The following KALRN variants were observed in gnomAD, a reference collection of about 807,000 sequenced individuals.
KALRN encodes kalirin.
A neutral mutation model predicts 353.7 loss-of-function variants in KALRN; 70 were observed. The observed-to-expected ratio is 0.20, with a 90% CI of 0.16 to 0.24. The LOEUF (loss-of-function observed/expected upper bound fraction) is 0.24, where lower values mean the gene tolerates loss of function less well. Ranked by LOEUF, KALRN falls within the 10% of genes least tolerant of loss-of-function variation. The pLI, the probability that KALRN is intolerant of heterozygous loss-of-function variation, is 1.00. For missense variants in KALRN, 2,791 were observed against 3,756.7 expected (o/e 0.74, Z 6.72); for synonymous variants, 1,391 against 1,434.8 (o/e 0.97, Z 0.69).
intron 51 of KALRN, among the ~76,000 whole-genome samples, chr3:124,684,326 C>T (rs1034697436): frequency 2.0e-5 from 3 of 152,122 alleles, no homozygotes; most frequent in Non-Finnish European, 2.9e-5. Flanking sequence ...TCCTGGCAGA[C>T]GAGAAGACCT....
chr3:124,242,611 C>T (rs1293934783), intron 3 of KALRN, among the ~76,000 whole-genome samples: 1 of 152,178 alleles, frequency 6.6e-6, no homozygotes, highest in East Asian at 1.9e-4. Flanking sequence ...ACACAGAGAT[C>T]TAACAATGGT....
Position 124,513,736 on chromosome 3 carries a change from A to G in KALRN, c.4935+17323A>G, listed in dbSNP as rs541607440. Among the ~76,000 whole-genome samples, 3 of 152,318 alleles carry G rather than the reference A, an allele frequency of 2.0e-5. No individual in the cohort carries two copies. The South Asian group carries it at 6.2e-4, about 32-fold the overall frequency. On this transcript the variant is annotated intron_variant, in intron 33 of 59. Coordinates refer to ENST00000682506, the MANE Select transcript of KALRN (RefSeq NM_001388419.1). ...AGGGAAAAATGGCAAGAGGAAAAACATAGATTGAATGTTGCTGGCTGTGGC... is the reference window on the plus strand; with the variant it reads ...AGGGAAAAATGGCAAGAGGAAAAACGTAGATTGAATGTTGCTGGCTGTGGC...
Position 124,068,333 on chromosome 3 carries a change from G to A in KALRN, c.73+34520G>A, listed in dbSNP as rs1265777697. Among the ~76,000 whole-genome samples the A allele has an allele frequency of 2.6e-5, 4 of 152,270 alleles. No homozygotes were observed. In the East Asian group the frequency reaches 7.7e-4, roughly 29 times the overall value. ...TGCCTTTCCACGGGTAGCATCCTCT[G>A]TGACATCCTGTGAGGTTACAGCATG... On this transcript the variant is annotated intron_variant, in intron 1 of 59. Transcript: ENST00000682506.
intron 1 of KALRN, among the ~76,000 whole-genome samples, chr3:124,055,719 C>G (rs950131048): frequency 6.6e-6 from 1 of 152,164 alleles, no homozygotes; most frequent in African/African-American, 2.4e-5. Flanking sequence ...CCTGGAGGCC[C>G]TAGAGCCATA....
chr3:124,288,838 AAGTT>A (rs1229867501), intron 5 of KALRN, among the ~76,000 whole-genome samples: 2 of 152,126 alleles, frequency 1.3e-5, no homozygotes, highest in Non-Finnish European at 2.9e-5. Flanking sequence ...AATAGAGAAA[AAGTT>A]AGCTCTGAGG....
chr3:124,666,359 A>G (rs2085620086), intron 45 of KALRN, 90 bp from the exon 46 acceptor site: 1 of 1,173,540 alleles, frequency 8.5e-7, no homozygotes, highest in Non-Finnish European at 1.2e-6. Context: ...TGTTGCCCGT[A>G]TCCCCAGATG....
At position 124,192,763 on chromosome 3, in the gene KALRN, C is replaced by T. The variant is rs183431442; in HGVS notation, c.74-35227C>T. ...GCTGTAGAAGGACACAGCAAGAGGC[C>T]GGCCATCTGCAAACCAGAGGCCTCA... On this transcript the variant is annotated intron_variant, in intron 1 of 59. Transcript: ENST00000682506. Among the ~76,000 whole-genome samples, 340 of 152,302 alleles carry T rather than the reference C, an allele frequency of 2.2e-3. 2 individuals are homozygous for T. Among genetic ancestry groups the T allele is most frequent in the East Asian group, 7.3e-3 (38 of 5,178 alleles).
At chr3:124,241,876 G>A (rs2080484571) in intron 3 of KALRN, among the ~76,000 whole-genome samples, 2 of 152,352 alleles carry the variant, frequency 1.3e-5, no homozygotes, top group South Asian at 2.1e-4. Flanking sequence ...AGCACGAAGG[G>A]GTAGGAATGG....
chr3:124,097,903 G>T (rs904215775), intron 1 of KALRN, among the ~76,000 whole-genome samples: 1 of 152,196 alleles, frequency 6.6e-6, no homozygotes, highest in African/African-American at 2.4e-5. Context: ...CAATTCTGCT[G>T]ATTGTATTCT....
chr3:124,507,523 A>G (rs544520885), intron 33 of KALRN, among the ~76,000 whole-genome samples: 92 of 152,220 alleles, frequency 6.0e-4, no homozygotes, highest in Non-Finnish European at 9.8e-4. Context: ...AATTATTTCA[A>G]GTATATTGGT....
rs149749210 is a variant in KALRN, at chr3:124,462,526, C to T, written c.3924C>T (p.Thr1308=). The part of the protein sequence containing the change: ...YVRDLHECLE[T]YLWEMTSGVE... ...ATGAAACTGTTACTGTCTTACAGAC[C>T]TACCTGTGGGAAATGACCAGTGGTG... Residue 1308 remains threonine, a splice_region_variant and synonymous_variant, in exon 25 of 60, where the codon ACC becomes ACT. Coordinates refer to ENST00000682506, the MANE Select transcript of KALRN (RefSeq NM_001388419.1). 1.9e-6 allele frequency: 3 copies of T among 1,588,904 alleles called. No homozygotes were observed. The East Asian group carries it at 6.7e-5, about 36-fold the overall frequency.
intron 33 of KALRN, among the ~76,000 whole-genome samples, chr3:124,524,538 C>T (rs1288800046): frequency 6.6e-6 from 1 of 152,110 alleles, no homozygotes; most frequent in African/African-American, 2.4e-5. Flanking sequence ...CCAAAGTGTG[C>T]TGTGAAAATG....
chr3:124,168,909 T>A (rs1471545840), intron 1 of KALRN, among the ~76,000 whole-genome samples: 1 of 152,100 alleles, frequency 6.6e-6, no homozygotes, highest in Non-Finnish European at 1.5e-5. Flanking sequence ...TAGGAACCAG[T>A]GACAAAGGCA....
intron 3 of KALRN, among the ~76,000 whole-genome samples, chr3:124,254,367 G>A (rs1220027216): frequency 6.9e-6 from 1 of 145,244 alleles, no homozygotes; most frequent in Non-Finnish European, 1.5e-5. Context: ...GGAGGAGCTA[G>A]CAAGAAGAAG....
intron 3 of KALRN, among the ~76,000 whole-genome samples, chr3:124,257,432 A>C (rs2072180038): frequency 6.6e-6 from 1 of 152,234 alleles, no homozygotes; most frequent in South Asian, 2.1e-4. Flanking sequence ...GCATTGGCAT[A>C]AAGTGGTGAA....
At position 124,627,559 on chromosome 3, in the gene KALRN, G is replaced by A. The variant is rs73858526; in HGVS notation, c.5183-4861G>A. On this transcript the variant is annotated intron_variant, in intron 34 of 59. Coordinates refer to ENST00000682506, the MANE Select transcript of KALRN (RefSeq NM_001388419.1). Reference sequence around the variant, plus strand: ...AACGCAAGGCACAGTTAATGTGGCCGGACTTCTAGTTCTGCTGACACGACA... The same window carrying A: ...AACGCAAGGCACAGTTAATGTGGCCAGACTTCTAGTTCTGCTGACACGACA... Among the ~76,000 whole-genome samples, 1,105 of 152,298 alleles carry A rather than the reference G, an allele frequency of 7.3e-3. 14 individuals carry two copies. Among genetic ancestry groups the A allele is most frequent in the Middle Eastern group, 0.034 (10 of 294 alleles).
At chr3:124,146,435 G>A (rs1390098630) in intron 1 of KALRN, among the ~76,000 whole-genome samples, 2 of 152,104 alleles carry the variant, frequency 1.3e-5, no homozygotes, top group Non-Finnish European at 2.9e-5. Flanking sequence ...GTCTATAACA[G>A]ATTAGAATAA....
At chr3:124,601,135 T>C (rs1210406774) in intron 34 of KALRN, among the ~76,000 whole-genome samples, 4 of 152,234 alleles carry the variant, frequency 2.6e-5, no homozygotes, top group African/African-American at 7.2e-5. Context: ...CCTAACTTTA[T>C]GGCAATGTCT....
At chr3:124,613,131 G>A (rs983716141) in intron 34 of KALRN, among the ~76,000 whole-genome samples, 13 of 152,156 alleles carry the variant, frequency 8.5e-5, no homozygotes, top group Non-Finnish European at 1.6e-4. Flanking sequence ...GGCAAGCAAG[G>A]CAGAGTAGCA....
Sources: gnomAD v4.1 joint callset for allele counts (sites outside exome capture counted in the v4.1 genomes callset) on GRCh38, gnomAD v4.1.1 for gene constraint, MANE v1.5 for transcripts, NCBI Gene and HGNC (gene_info 2026-07-23, HGNC 2026-07-21) for gene names.